Variants in MYCBP2 observed in about 807,000 individuals in gnomAD.
MYCBP2 encodes the protein E3 ubiquitin-protein ligase MYCBP2.
MYCBP2 carries 120 observed loss-of-function variants against 525.3 expected under a neutral mutation model. That is an observed-to-expected ratio of 0.23 (90% CI 0.20 to 0.27). The LOEUF (loss-of-function observed/expected upper bound fraction) is 0.27. MYCBP2 is among the 10% of genes least tolerant of loss of function. The pLI, the probability that MYCBP2 is intolerant of heterozygous loss-of-function variation, is 1.00. For synonymous variants in MYCBP2, 1,894 were observed against 1,955.8 expected (o/e 0.97, Z 0.83); for missense variants, 4,149 against 5,657.1 (o/e 0.73, Z 8.55).
At position 77,263,644 on chromosome 13, in the gene MYCBP2, A is replaced by C; in HGVS notation, c.1570+7T>G. 6.2e-6 allele frequency: 10 copies of C among 1,606,608 alleles called. No homozygotes were observed. The highest frequency in any genetic ancestry group is 6.8e-6 in the Non-Finnish European group (8 of 1,176,296). On this transcript the variant is annotated splice_region_variant and intron_variant, in intron 10 of 82. Coordinates refer to ENST00000544440, the MANE Select transcript of MYCBP2 (RefSeq NM_015057.5). ...ATATAGGGAAAACACTTAATTTGCT[A>C]TCTTACTTATAATATGCAAGTCCTT...
Position 77,180,217 on chromosome 13 carries a change from A to G in MYCBP2, c.5043T>C (p.Asn1681=), listed in dbSNP as rs1382904089. 6.2e-7 allele frequency: 1 copy of G among 1,614,022 alleles called. No individual in the cohort carries two copies. The highest frequency in any genetic ancestry group is 1.7e-5 in the Admixed American group (1 of 60,010). Residue 1681 remains asparagine (N), a synonymous_variant, in exon 34 of 83, where the codon AAT becomes AAC. Coordinates refer to ENST00000544440, the MANE Select transcript of MYCBP2 (RefSeq NM_015057.5). Reference sequence around the variant, plus strand: ...AGACGAGGTGGGAGGAGAAGAGTTCATTTTCTCTCCTCAGGCTGTTCCTGA... The same window carrying G: ...AGACGAGGTGGGAGGAGAAGAGTTCGTTTTCTCTCCTCAGGCTGTTCCTGA... ...LPVRNSLRRE[N]ELFSSHLVSN...
chr13:77,180,027 C>A lies in MYCBP2; in HGVS notation c.5133+100G>T, dbSNP rs556041536. ...AATGCATTGGGGTTGCTAATCCAAT[C>A]TGAAATTAGCTTCCACAAAGCCAAA... is the stretch of plus-strand genomic sequence containing the variant. On this transcript the variant is annotated intron_variant, in intron 34 of 82. Transcript: ENST00000544440. 3 of 907,284 alleles carry A rather than the reference C, an allele frequency of 3.3e-6. No homozygotes were observed. In the East Asian group the frequency reaches 7.8e-5, roughly 24 times the overall value. 56.2% of individuals were successfully genotyped at this position (907,284 alleles called of 1,614,324 possible).
intron 1 of MYCBP2, among the ~76,000 whole-genome samples, chr13:77,317,755 G>A (rs573714476): frequency 6.6e-6 from 1 of 152,234 alleles, no homozygotes; most frequent in South Asian, 2.1e-4. Context: ...TGGTCCACAT[G>A]GTGAAACCCC....
intron 55 of MYCBP2, among the ~76,000 whole-genome samples, chr13:77,101,011 C>G (rs934536462): frequency 6.6e-6 from 1 of 152,014 alleles, no homozygotes; most frequent in African/African-American, 2.4e-5. Flanking sequence ...ATTTGGTAAA[C>G]AAATTATATT....
At chr13:77,121,609 C>T (rs2050705401) in intron 54 of MYCBP2, 114 bp from the exon 55 acceptor site, 14 of 1,044,634 alleles carry the variant, frequency 1.3e-5, no homozygotes, top group Non-Finnish European at 1.7e-5. Flanking sequence ...AAAATAAGCT[C>T]ACATCTAGAT....
chr13:77,325,177 C>T (rs17067468), intron 1 of MYCBP2, among the ~76,000 whole-genome samples: 5,174 of 152,314 alleles, frequency 0.034, 294 homozygotes, highest in African/African-American at 0.12. Context: ...AACAGATAAG[C>T]CATGATACCT....
At chr13:77,224,652 T>C in intron 19 of MYCBP2, 120 bp from the exon 20 acceptor site, 2 of 539,160 alleles carry the variant, frequency 3.7e-6, no homozygotes, top group Non-Finnish European at 6.5e-6. Context: ...TAAAAATAGG[T>C]AACTGAAGGA....
intron 73 of MYCBP2, 50 bp from the exon 74 acceptor site, chr13:77,062,747 T>C (rs968787539): frequency 8.4e-6 from 12 of 1,431,078 alleles, no homozygotes; most frequent in African/African-American, 7.0e-5. Flanking sequence ...GAAAGACTTA[T>C]GAAATGCTGA....
At chr13:77,144,264 T>C in intron 49 of MYCBP2, 181 bp downstream of exon 49, 1 of 581,788 alleles carries the variant, frequency 1.7e-6, no homozygotes, top group Middle Eastern at 4.5e-4. Flanking sequence ...CACCAGAAAT[T>C]ATTACAAAAT....
intron 13 of MYCBP2, among the ~76,000 whole-genome samples, chr13:77,259,179 C>T (rs1341272897): frequency 2.0e-5 from 3 of 151,994 alleles, no homozygotes; most frequent in South Asian, 2.1e-4. Flanking sequence ...GTGGGACAAT[C>T]GCTGGAACCT....
chr13:77,304,551 T>G (rs1250236085), intron 1 of MYCBP2, among the ~76,000 whole-genome samples: 6 of 152,154 alleles, frequency 3.9e-5, no homozygotes, highest in Admixed American at 3.3e-4. Context: ...ACAGGGTGAC[T>G]ATCATAAACA....
intron 55 of MYCBP2, among the ~76,000 whole-genome samples, chr13:77,117,465 T>G (rs894253593): frequency 1.3e-5 from 2 of 152,126 alleles, no homozygotes; most frequent in South Asian, 4.1e-4. Context: ...TAATAAAAAC[T>G]AAACCAGCTA....
chr13:77,131,487 A>AAC (rs369448891), intron 52 of MYCBP2, among the ~76,000 whole-genome samples: 8,977 of 136,108 alleles, frequency 0.066, 394 homozygotes, highest in East Asian at 0.17. Context: ...CTTCATCTCA[A>AAC]ACACACACAC....
chr13:77,067,601 A>C lies in MYCBP2; in HGVS notation c.12435T>G (p.Leu4145=). The C allele has an allele frequency of 6.2e-7, 1 of 1,614,068 alleles. No homozygotes were observed. Among genetic ancestry groups the C allele is most frequent in the South Asian group, 1.1e-5 (1 of 91,078 alleles). The change falls in exon 71 of 83, where the codon CTT becomes CTG. Residue 4145 remains leucine, a synonymous_variant. Transcript: ENST00000544440. ...TVGKGVTTVT[L]PMIFNSSYLR... is the part of the protein sequence containing the mutation. Reference sequence around the variant, plus strand: ...CTAACCTGGAATTGAAAATCATCGGAAGAGTAACTGTTGTAACTCCTTTGC... The same window carrying C: ...CTAACCTGGAATTGAAAATCATCGGCAGAGTAACTGTTGTAACTCCTTTGC...
At chr13:77,285,856 AGG>A (rs2076681743) in intron 3 of MYCBP2, among the ~76,000 whole-genome samples, 1 of 135,676 alleles carries the variant, frequency 7.4e-6, no homozygotes, top group Non-Finnish European at 1.6e-5. Flanking sequence ...GGAGAAAGGA[AGG>A]GAAAGGAAAG....
At chr13:77,296,046 G>A (rs956731856) in intron 2 of MYCBP2, among the ~76,000 whole-genome samples, 1 of 152,104 alleles carries the variant, frequency 6.6e-6, no homozygotes, top group South Asian at 2.1e-4. Context: ...TTCCCCAAAG[G>A]ACTGATCAAA....
At chr13:77,127,231 T>C (rs2051832807) in intron 52 of MYCBP2, among the ~76,000 whole-genome samples, 1 of 151,962 alleles carries the variant, frequency 6.6e-6, no homozygotes, top group Admixed American at 6.6e-5. Flanking sequence ...AAACAGACTA[T>C]ATTTTTAGTA....
intron 47 of MYCBP2, among the ~76,000 whole-genome samples, chr13:77,146,954 T>G (rs1440569095): frequency 1.3e-5 from 2 of 152,100 alleles, no homozygotes; most frequent in Non-Finnish European, 2.9e-5. Context: ...AGAATGTTTA[T>G]TTCAGTACAG....
intron 72 of MYCBP2, among the ~76,000 whole-genome samples, chr13:77,065,256 T>C (rs532688546): frequency 1.3e-5 from 2 of 152,324 alleles, no homozygotes; most frequent in East Asian, 3.9e-4. Context: ...ATGAACACCC[T>C]GAGAAAGTCT....
Sources: gnomAD v4.1 joint callset for allele counts (sites outside exome capture counted in the v4.1 genomes callset) on GRCh38, gnomAD v4.1.1 for gene constraint, MANE v1.5 for transcripts, NCBI Gene and HGNC (gene_info 2026-07-23, HGNC 2026-07-21) for gene names.